Variants in GRM8 observed in about 807,000 individuals in gnomAD.
GRM8 encodes glutamate metabotropic receptor 8, also known as metabotropic glutamate receptor 8.
GRM8 carries 47 observed loss-of-function variants against 87.2 expected under a neutral mutation model. The ratio of observed to expected loss-of-function variants is 0.54; its 90% CI spans 0.43 to 0.69. GRM8 has a LOEUF of 0.69. Among genes scored for constraint, GRM8 ranks in the 30% least tolerant of loss-of-function variants. GRM8 has a pLI of 0.00. For synonymous variants in GRM8, 396 were observed against 404.5 expected, an observed-to-expected ratio of 0.98 and a Z score of 0.25; for missense variants, 1,019 against 1,139.2, an observed-to-expected ratio of 0.89 and a Z score of 1.52.
chr7:126,666,500 A>G (rs1805782373), intron 7 of GRM8, among the ~76,000 whole-genome samples: 1 of 152,228 alleles, frequency 6.6e-6, no homozygotes, highest in Non-Finnish European at 1.5e-5. Flanking sequence ...ATTAAAAATC[A>G]TAATTGGTGA....
Position 126,904,614 on chromosome 7 carries a change from A to G in GRM8, c.797T>C (p.Ile266Thr). The change falls in exon 4 of 11, where the codon ATC becomes ACC. Residue 266 changes from isoleucine (I) to threonine (T), a missense_variant. Transcript: ENST00000339582. ...EPRPGEFEKI[I>T]KRLLETPNAR... ...ATTAGGTGTTTCTAGCAGGCGTTTG[A>G]TAATTTTTTCAAATTCTCCAGGTCT... 1 of 1,613,794 alleles carries G rather than the reference A, an allele frequency of 6.2e-7. No homozygotes were observed. Among genetic ancestry groups the G allele is most frequent in the Non-Finnish European group, 8.5e-7 (1 of 1,179,712 alleles).
chr7:127,164,539 C>T (rs1254271648), intron 2 of GRM8, among the ~76,000 whole-genome samples: 2 of 152,160 alleles, frequency 1.3e-5, no homozygotes, highest in African/African-American at 4.8e-5. Flanking sequence ...TAAACTATTT[C>T]TTAAATTCTT....
chr7:126,491,478 A>T (rs1307362759), intron 9 of GRM8, among the ~76,000 whole-genome samples: 1 of 152,104 alleles, frequency 6.6e-6, no homozygotes, highest in Non-Finnish European at 1.5e-5. Context: ...TTTAAGAAAA[A>T]GATTATTCAC....
intron 3 of GRM8, among the ~76,000 whole-genome samples, chr7:127,101,363 A>C (rs542711252): frequency 2.0e-5 from 3 of 152,286 alleles, no homozygotes; most frequent in African/African-American, 7.2e-5. Flanking sequence ...ATATAATATG[A>C]GTATTTGTCC....
intron 7 of GRM8, among the ~76,000 whole-genome samples, chr7:126,669,616 G>T (rs1806168448): frequency 1.3e-5 from 2 of 152,182 alleles, no homozygotes; most frequent in East Asian, 3.9e-4. Flanking sequence ...AAGGCCTGGG[G>T]ACTATGGAAC....
rs145851673 is a variant in GRM8, at chr7:126,661,696, T to A, written c.1358-52198A>T. Among the ~76,000 whole-genome samples, 570 of 152,264 alleles carry A rather than the reference T, an allele frequency of 3.7e-3. 3 individuals are homozygous for A. The highest frequency in any genetic ancestry group is 0.013 in the African/African-American group (551 of 41,542). The stretch of plus-strand genomic sequence containing the variant: ...TGTGGGGAGACTTTATGTGCCTCAC[T>A]CAGGGGGTTCGTCATGCCTCCTTCT... On this transcript the variant is annotated intron_variant, in intron 7 of 10. Coordinates refer to ENST00000339582, the MANE Select transcript of GRM8 (RefSeq NM_000845.3).
chr7:126,924,673 C>G (rs192843938), intron 3 of GRM8, among the ~76,000 whole-genome samples: 20 of 152,126 alleles, frequency 1.3e-4, no homozygotes, highest in African/African-American at 4.8e-4. Context: ...GAAAAAGACA[C>G]TAATCTTAGA....
At chr7:126,716,081 T>C (rs1277833746) in intron 7 of GRM8, among the ~76,000 whole-genome samples, 1 of 152,200 alleles carries the variant, frequency 6.6e-6, no homozygotes, top group Non-Finnish European at 1.5e-5. Flanking sequence ...GACAGACATA[T>C]AGTAAGTGCT....
At chr7:127,039,494 T>C (rs899713629) in intron 3 of GRM8, among the ~76,000 whole-genome samples, 24 of 151,864 alleles carry the variant, frequency 1.6e-4, no homozygotes, top group African/African-American at 5.6e-4. Flanking sequence ...TGGTATTTGT[T>C]GTGGTAGTCC....
chr7:127,080,505 C>G (rs1822738855), intron 3 of GRM8, among the ~76,000 whole-genome samples: 2 of 152,172 alleles, frequency 1.3e-5, no homozygotes, highest in South Asian at 4.1e-4. Flanking sequence ...GGCAATTCTG[C>G]CACCACTGAG....
chr7:126,555,987 T>C (rs771263652), intron 8 of GRM8, among the ~76,000 whole-genome samples: 2 of 152,122 alleles, frequency 1.3e-5, no homozygotes, highest in Non-Finnish European at 2.9e-5. Flanking sequence ...AACATCCAGT[T>C]GAAATGTGAA....
chr7:126,860,901 AT>A (rs1272012901), intron 6 of GRM8, among the ~76,000 whole-genome samples: 3 of 152,166 alleles, frequency 2.0e-5, no homozygotes, highest in Non-Finnish European at 4.4e-5. Context: ...ACCTGTGAAT[AT>A]TAGTATATAA....
chr7:126,632,310 T>C (rs878914540), intron 7 of GRM8, among the ~76,000 whole-genome samples: 2 of 152,042 alleles, frequency 1.3e-5, no homozygotes. Context: ...ATTAGAGAAA[T>C]GCAAATCAAA....
chr7:127,002,703 T>C (rs960525021), intron 3 of GRM8, among the ~76,000 whole-genome samples: 1 of 151,712 alleles, frequency 6.6e-6, no homozygotes, highest in Non-Finnish European at 1.5e-5. Context: ...TCCAAGGTAG[T>C]CCTTTAAGAA....
At chr7:126,560,789 T>C (rs541373134) in intron 8 of GRM8, among the ~76,000 whole-genome samples, 1 of 152,344 alleles carries the variant, frequency 6.6e-6, no homozygotes, top group South Asian at 2.1e-4. Flanking sequence ...AAGGACAGTA[T>C]TGCTATTCAA....
intron 9 of GRM8, among the ~76,000 whole-genome samples, chr7:126,472,398 G>C (rs1584733416): frequency 1.3e-5 from 2 of 152,054 alleles, no homozygotes; most frequent in African/African-American, 4.8e-5. Flanking sequence ...TAGCATGAAG[G>C]GTTGTTGAAT....
At chr7:126,973,505 T>C (rs540408734) in intron 3 of GRM8, among the ~76,000 whole-genome samples, 1 of 152,208 alleles carries the variant, frequency 6.6e-6, no homozygotes, top group Non-Finnish European at 1.5e-5. Flanking sequence ...TTAGCCCAGG[T>C]CCTGGCAAGA....
At chr7:126,487,915 G>A (rs988574632) in intron 9 of GRM8, among the ~76,000 whole-genome samples, 1 of 151,794 alleles carries the variant, frequency 6.6e-6, no homozygotes, top group Admixed American at 6.6e-5. Context: ...CATTTTCAAG[G>A]AAATATCCAC....
At chr7:126,616,771 TC>T (rs1799544394) in intron 7 of GRM8, among the ~76,000 whole-genome samples, 1 of 151,710 alleles carries the variant, frequency 6.6e-6, no homozygotes, top group Non-Finnish European at 1.5e-5. Context: ...AACTAGAAAA[TC>T]TAGAAGAAAT....
Sources: allele counts gnomAD v4.1 joint callset (sites outside exome capture counted in the v4.1 genomes callset), GRCh38; gene constraint gnomAD v4.1.1; transcripts MANE v1.5; gene names NCBI Gene and HGNC (gene_info 2026-07-23, HGNC 2026-07-21).